NREP: variants seen among roughly 807,000 people sequenced by gnomAD.
The protein encoded by NREP is neuronal regeneration related protein.
Under a neutral mutation model 8.6 loss-of-function variants are expected in NREP, and 5 were observed. That is an observed-to-expected ratio of 0.58 (90% CI 0.30 to 1.22). The LOEUF is 1.22. NREP is among the 50% of genes most tolerant of loss of function. The probability of loss-of-function intolerance (pLI) is 0.07; values close to 1 mark genes in which losing one functional copy is unlikely to be tolerated. For synonymous variants in NREP, 27 were observed against 28.0 expected (o/e 0.96, Z 0.11); for missense variants, 86 against 82.5 (o/e 1.04, Z -0.17).
At chr5:111,749,406 G>T in intron 2 of NREP, among the ~76,000 whole-genome samples, 1 of 151,496 alleles carries the variant, frequency 6.6e-6, no homozygotes, top group African/African-American at 2.4e-5. Context: ...GTAACATTCT[G>T]TGCTATTTAT....
chr5:111,799,312 T>A (rs1751946847), intron 2 of NREP, among the ~76,000 whole-genome samples: 1 of 152,188 alleles, frequency 6.6e-6, no homozygotes, highest in African/African-American at 2.4e-5. Flanking sequence ...AGAATGATGG[T>A]GGCATTTTGA....
chr5:111,871,189 G>A (rs1753782988), intron 2 of NREP, among the ~76,000 whole-genome samples: 1 of 151,740 alleles, frequency 6.6e-6, no homozygotes, highest in Non-Finnish European at 1.5e-5. Flanking sequence ...ATAGTATATA[G>A]CCCACTACCC....
chr5:111,944,571 T>C (rs1208476851), intron 2 of NREP, among the ~76,000 whole-genome samples: 6 of 152,154 alleles, frequency 3.9e-5, no homozygotes, highest in Non-Finnish European at 8.8e-5. Context: ...GCTCCCAAAG[T>C]GCTGGGATTA....
intron 2 of NREP, among the ~76,000 whole-genome samples, chr5:111,964,744 C>T (rs998747882): frequency 1.3e-5 from 2 of 151,362 alleles, no homozygotes; most frequent in Admixed American, 6.6e-5. Flanking sequence ...CATTCTTAAA[C>T]ATGCCTTCCA....
At chr5:111,738,721 T>C (rs1460129707) in intron 2 of NREP, 2 of 152,334 alleles carry the variant, frequency 1.3e-5, no homozygotes, top group Non-Finnish European at 2.9e-5. Flanking sequence ...AAATGTGTTA[T>C]GGGCTGACTT....
intron 2 of NREP, among the ~76,000 whole-genome samples, chr5:111,819,788 T>C (rs1273908559): frequency 6.6e-6 from 1 of 152,204 alleles, no homozygotes; most frequent in Non-Finnish European, 1.5e-5. Flanking sequence ...ATGAAGCTTA[T>C]TTAACTCATA....
At chr5:111,879,440 T>G (rs1753992895) in intron 2 of NREP, among the ~76,000 whole-genome samples, 1 of 152,222 alleles carries the variant, frequency 6.6e-6, no homozygotes, top group Non-Finnish European at 1.5e-5. Flanking sequence ...TGCAGTATGT[T>G]AAGTGCTCAA....
chr5:111,956,997 A>AAAT lies in NREP; in HGVS notation c.135+18276_135+18277insATT, dbSNP rs757121415. On this transcript the variant is annotated intron_variant, in intron 2 of 3. Transcript: ENST00000395634. The stretch of plus-strand genomic sequence containing the variant: ...TAAATAAATAAATAAATAAATAAAT[A>AAAT]AAATGCCAGTTAAGTACAATGACAT... Among the ~76,000 whole-genome samples, 4 of 149,844 alleles carry AAAT rather than the reference A, an allele frequency of 2.7e-5. No homozygotes were observed. The East Asian group carries it at 7.9e-4, about 30-fold the overall frequency.
intron 2 of NREP, among the ~76,000 whole-genome samples, chr5:111,801,106 T>G (rs543525488): frequency 6.6e-6 from 1 of 152,338 alleles, no homozygotes; most frequent in Admixed American, 6.5e-5. Context: ...GAGAAAGACA[T>G]TCCTGTGTCA....
intron 2 of NREP, among the ~76,000 whole-genome samples, chr5:111,813,317 GT>G (rs1311519558): frequency 6.6e-6 from 1 of 152,086 alleles, no homozygotes; most frequent in African/African-American, 2.4e-5. Flanking sequence ...TGTTGTTACA[GT>G]TTCAATAAAT....
chr5:111,958,826 A>T (rs1756399904), intron 2 of NREP, among the ~76,000 whole-genome samples: 1 of 151,648 alleles, frequency 6.6e-6, no homozygotes, highest in South Asian at 2.1e-4. Context: ...TATGAATATC[A>T]AGAATTTTTT....
chr5:111,899,137 CA>C (rs377559476), intron 2 of NREP, among the ~76,000 whole-genome samples: 14 of 152,214 alleles, frequency 9.2e-5, no homozygotes, highest in African/African-American at 3.4e-4. Flanking sequence ...ATCATAAAAA[CA>C]CACAAAAGTA....
intron 2 of NREP, among the ~76,000 whole-genome samples, chr5:111,906,073 T>A (rs1023066266): frequency 1.3e-5 from 2 of 152,128 alleles, no homozygotes; most frequent in African/African-American, 2.4e-5. Flanking sequence ...TTAGTTTTTT[T>A]ATTCTTCTAA....
chr5:111,759,246 G>T (rs79410146), upstream of NREP, among the ~76,000 whole-genome samples: 7,408 of 152,108 alleles, frequency 0.049, 603 homozygotes, highest in African/African-American at 0.17. Flanking sequence ...CCCCAAGGGC[G>T]CACCATCAAA....
chr5:111,747,598 G>T (rs1750088002), intron 2 of NREP, among the ~76,000 whole-genome samples: 1 of 152,080 alleles, frequency 6.6e-6, no homozygotes, highest in African/African-American at 2.4e-5. Context: ...TTACCTATTG[G>T]TGAGTCTTTG....
Position 111,883,840 on chromosome 5 carries a change from T to C in NREP, c.135+91434A>G, listed in dbSNP as rs558893195. On this transcript the variant is annotated intron_variant, in intron 2 of 3. Coordinates refer to the NREP transcript ENST00000395634. ...TTCAAAGCAGTGTGTAGAGGGAAAT[T>C]TATAGCACTAAATGCCCACAAGAGA... Among the ~76,000 whole-genome samples, 6 of 151,856 alleles carry C rather than the reference T, an allele frequency of 4.0e-5. No homozygotes were observed. The South Asian group carries it at 1.3e-3, about 32-fold the overall frequency.
chr5:111,917,716 A>G (rs1324836079), intron 2 of NREP, among the ~76,000 whole-genome samples: 2 of 152,166 alleles, frequency 1.3e-5, no homozygotes, highest in Non-Finnish European at 2.9e-5. Flanking sequence ...TCTCAAAATA[A>G]TAAGAGCTAT....
chr5:111,780,880 G>A (rs1255729338), intron 2 of NREP, among the ~76,000 whole-genome samples: 4 of 143,748 alleles, frequency 2.8e-5, no homozygotes, highest in Non-Finnish European at 6.2e-5. Flanking sequence ...TAGAGTCTAT[G>A]TTCCTTCCCA....
At chr5:111,872,434 A>G (rs1051820336) in intron 2 of NREP, among the ~76,000 whole-genome samples, 5 of 152,206 alleles carry the variant, frequency 3.3e-5, no homozygotes, top group South Asian at 2.1e-4. Context: ...GGAAACACCT[A>G]TAATGACATT....
Sources: gnomAD v4.1 joint callset for allele counts (sites outside exome capture counted in the v4.1 genomes callset) on GRCh38, gnomAD v4.1.1 for gene constraint, MANE v1.5 for transcripts, NCBI Gene and HGNC (gene_info 2026-07-23, HGNC 2026-07-21) for gene names.